Variants in CACNB4 observed in about 807,000 individuals in gnomAD.
The protein encoded by CACNB4 is calcium voltage-gated channel auxiliary subunit beta 4, also known as voltage-dependent L-type calcium channel subunit beta-4.
Under a neutral mutation model 71.2 loss-of-function variants are expected in CACNB4, and 32 were observed. The ratio of observed to expected loss-of-function variants is 0.45; its 90% CI spans 0.34 to 0.60. The LOEUF (loss-of-function observed/expected upper bound fraction) is 0.60, where lower values mean the gene tolerates loss of function less well. CACNB4 is among the 20% of genes least tolerant of loss of function. CACNB4 has a pLI of 0.01. For missense variants in CACNB4, 464 were observed against 647.9 expected (o/e 0.72, Z 3.08); for synonymous variants, 231 against 236.9 (o/e 0.97, Z 0.23).
chr2:151,844,445 T>G (rs1345644772), intron 12 of CACNB4, among the ~76,000 whole-genome samples: 4 of 152,026 alleles, frequency 2.6e-5, no homozygotes, highest in African/African-American at 9.7e-5. Context: ...AGAGGCACAA[T>G]GGAAGAAAGA....
intron 2 of CACNB4, among the ~76,000 whole-genome samples, chr2:152,089,260 T>C (rs1396329412): frequency 6.6e-6 from 1 of 152,170 alleles, no homozygotes; most frequent in Non-Finnish European, 1.5e-5. Flanking sequence ...AACCAGAGTG[T>C]GTTTGGATTG....
intron 2 of CACNB4, among the ~76,000 whole-genome samples, chr2:152,064,025 G>A (rs1056745649): frequency 4.6e-5 from 7 of 152,204 alleles, no homozygotes; most frequent in African/African-American, 1.7e-4. Context: ...AGCAGACAAT[G>A]TAATAACAGT....
chr2:152,016,646 T>C (rs1268022479), intron 2 of CACNB4, among the ~76,000 whole-genome samples: 2 of 152,362 alleles, frequency 1.3e-5, no homozygotes, highest in East Asian at 1.9e-4. Flanking sequence ...ACAGTCACGT[T>C]ATCTGAAGCC....
At chr2:151,988,858 T>C (rs1430734867) in intron 2 of CACNB4, among the ~76,000 whole-genome samples, 2 of 152,174 alleles carry the variant, frequency 1.3e-5, no homozygotes, top group Non-Finnish European at 2.9e-5. Flanking sequence ...GAGGGAGGCA[T>C]AAACATGTAG....
chr2:151,880,476 C>A (rs144258471), intron 4 of CACNB4: 271 of 342,730 alleles, frequency 7.9e-4, no homozygotes, highest in African/African-American at 5.5e-3. Context: ...CTTACATTTT[C>A]CAAAGTTGGA....
At chr2:152,086,831 C>G (rs568799511) in intron 2 of CACNB4, among the ~76,000 whole-genome samples, 1 of 152,258 alleles carries the variant, frequency 6.6e-6, no homozygotes, top group South Asian at 2.1e-4. Context: ...GATTTCCATG[C>G]AGGTTAAAGA....
chr2:151,839,151 C>G lies in CACNB4; in HGVS notation c.1531G>C (p.Gly511Arg). ...CTATGTCGGGAGTCATGGCTATATC[C>G]CCCAGGTGATCCTCGGTTCCTATGG... ...KPHRNRGSPG[G>R]YSHDSRHRL The change falls in exon 14 of 14, where the codon GGA (glycine) becomes CGA (arginine). Residue 511 changes from glycine (G) to arginine (R), a missense_variant. Physicochemically the swap from Gly to Arg is moderately radical, Grantham distance 125 (BLOSUM62 -2). Coordinates refer to ENST00000539935, the MANE Select transcript of CACNB4 (RefSeq NM_000726.5). 6.2e-7 allele frequency: 1 copy of G among 1,613,418 alleles called. No homozygotes were observed. The highest frequency in any genetic ancestry group is 8.5e-7 in the Non-Finnish European group (1 of 1,179,520).
intron 2 of CACNB4, among the ~76,000 whole-genome samples, chr2:152,001,832 CT>C (rs1412063371): frequency 6.6e-6 from 1 of 152,036 alleles, no homozygotes. Flanking sequence ...CTCTTATGGG[CT>C]GTGGAATAGA....
chr2:152,088,185 G>C, intron 2 of CACNB4, among the ~76,000 whole-genome samples: 1 of 95,088 alleles, frequency 1.1e-5, no homozygotes, highest in Non-Finnish European at 2.1e-5. Context: ...ACACACACAC[G>C]GCAAATTAAA....
chr2:152,041,333 T>C (rs2105245152), intron 2 of CACNB4, among the ~76,000 whole-genome samples: 1 of 152,336 alleles, frequency 6.6e-6, no homozygotes, highest in Middle Eastern at 3.4e-3. Flanking sequence ...TTAGAAGTCA[T>C]CATCATGTTT....
At chr2:151,882,543 T>C (rs1056876692) in intron 3 of CACNB4, among the ~76,000 whole-genome samples, 12 of 152,108 alleles carry the variant, frequency 7.9e-5, no homozygotes, top group African/African-American at 1.4e-4. Flanking sequence ...TAAAATTTCA[T>C]TGGACAAAAA....
rs977387811 is a variant in CACNB4 at position 151,836,054 on chromosome 2, G to A, written c.*3065C>T. The A allele has an allele frequency of 5.3e-5, 8 of 151,856 alleles. No individual in the cohort carries two copies. Among genetic ancestry groups the A allele is most frequent in the African/African-American group, 1.7e-4 (7 of 41,420 alleles). The allele number at this position is 151,856 out of a possible 1,614,324, so 9.4% of individuals were successfully genotyped here. A position where few individuals can be genotyped will look rare whatever the true frequency, so the allele number is the denominator to read the frequency against. On this transcript the variant is annotated 3_prime_UTR_variant, in exon 14 of 14. Transcript: ENST00000539935. ...TCATCATTTATAAACATTTCTAAGT[G>A]TTGCTTTAAATATTAAACAAGATAA...
chr2:151,989,026 G>A (rs1681535944), intron 2 of CACNB4, among the ~76,000 whole-genome samples: 2 of 152,042 alleles, frequency 1.3e-5, no homozygotes. Context: ...TCAATATCCT[G>A]TTCCACCCCA....
rs995755064 is a variant in CACNB4, at chr2:151,944,332, G to A, written c.148-60962C>T. ...TGGGATTACAGGCATAAGCCACCACGTCCGGCCTGGGATTGTACTTTCTAA... is the reference window on the plus strand; with the variant it reads ...TGGGATTACAGGCATAAGCCACCACATCCGGCCTGGGATTGTACTTTCTAA... On this transcript the variant is annotated intron_variant, in intron 2 of 13. Transcript: ENST00000539935. Among the ~76,000 whole-genome samples the A allele has an allele frequency of 5.9e-5, 9 of 151,930 alleles. 1 individual carries two copies. The highest frequency in any genetic ancestry group is 7.4e-5 in the Non-Finnish European group (5 of 68,010).
At chr2:152,040,947 T>C (rs1295074591) in intron 2 of CACNB4, among the ~76,000 whole-genome samples, 2 of 152,204 alleles carry the variant, frequency 1.3e-5, no homozygotes, top group African/African-American at 2.4e-5. Flanking sequence ...CAAAATTGCA[T>C]TTTGATCAAA....
chr2:152,073,668 A>T (rs1249701951), intron 2 of CACNB4, among the ~76,000 whole-genome samples: 2 of 152,386 alleles, frequency 1.3e-5, no homozygotes, highest in South Asian at 2.1e-4. Context: ...AATACATTTT[A>T]AAAATGGAAC....
chr2:151,996,143 T>C (rs969003862), intron 2 of CACNB4, among the ~76,000 whole-genome samples: 5 of 152,236 alleles, frequency 3.3e-5, no homozygotes, highest in Non-Finnish European at 7.3e-5. Context: ...TAGATACTAG[T>C]ATGAAATTTT....
chr2:151,928,230 C>T (rs1031806011), intron 2 of CACNB4, among the ~76,000 whole-genome samples: 2 of 152,148 alleles, frequency 1.3e-5, no homozygotes, highest in South Asian at 2.1e-4. Context: ...AAAAGAATAC[C>T]TTTCTATTAC....
rs193093633 is a variant in CACNB4 at position 152,097,238 on chromosome 2, A to T, written c.147+1092T>A. Among the ~76,000 whole-genome samples the T allele has an allele frequency of 3.9e-5, 6 of 152,160 alleles. No individual in the cohort carries two copies. In the South Asian group the frequency reaches 1.2e-3, roughly 32 times the overall value. Reference sequence around the variant, plus strand: ...CCCTTTTAGGAGAGGTCTGAGTTCAATTTTGATATCAATTCCTCGTTGATA... The same window carrying T: ...CCCTTTTAGGAGAGGTCTGAGTTCATTTTTGATATCAATTCCTCGTTGATA... On this transcript the variant is annotated intron_variant, in intron 2 of 13. Transcript: ENST00000539935.
Sources: allele counts gnomAD v4.1 joint callset (sites outside exome capture counted in the v4.1 genomes callset), GRCh38; gene constraint gnomAD v4.1.1; transcripts MANE v1.5; gene names NCBI Gene and HGNC (gene_info 2026-07-23, HGNC 2026-07-21).